CSF3R: variants seen among roughly 807,000 people sequenced by gnomAD.
CSF3R encodes granulocyte colony-stimulating factor receptor.
In CSF3R, 52 loss-of-function variants were observed where a neutral mutation model predicts 84.4. That is an observed-to-expected ratio of 0.62 (90% CI 0.49 to 0.78). The LOEUF is 0.78. CSF3R is among the 30% of genes least tolerant of loss of function. CSF3R has a pLI of 0.00. For missense variants in CSF3R, 890 were observed against 1,055.7 expected (o/e 0.84, Z 2.17); for synonymous variants, 384 against 429.1 (o/e 0.89, Z 1.30).
At chr1:36,482,391 G>C (rs1651584998) in intron 1 of CSF3R, among the ~76,000 whole-genome samples, 2 of 152,018 alleles carry the variant, frequency 1.3e-5, no homozygotes. Context: ...AAATATGCGA[G>C]ACAGAGAAAC....
Position 36,467,504 on chromosome 1 carries a change from G to C in CSF3R, c.1958+54C>G. 5 of 1,566,946 alleles carry C rather than the reference G, an allele frequency of 3.2e-6. No individual in the cohort carries two copies. Among genetic ancestry groups the C allele is most frequent in the Non-Finnish European group, 4.4e-6 (5 of 1,138,932 alleles). ...GACTTAGATGGGCCCATCTGGACCT[G>C]AGGTTCCCTGTGGGTGGGGGAAGCA... On this transcript the variant is annotated intron_variant, in intron 15 of 16. Coordinates refer to ENST00000373106, the MANE Select transcript of CSF3R (RefSeq NM_000760.4). This position sits in a 1 kb window ranked among gnomAD's most constrained non-coding sequence, Gnocchi z 4.1.
rs145439244 is a variant in CSF3R, at chr1:36,472,595, T to A, written c.765A>T (p.Pro255=). Residue 255 remains proline (P), a synonymous_variant, in exon 7 of 17, where the codon CCA becomes CCT. Coordinates refer to ENST00000373106, the MANE Select transcript of CSF3R (RefSeq NM_000760.4). The surrounding 1 kb of genome is among the most constrained non-coding windows in gnomAD (Gnocchi z 5.0). ...QAGCLQLCWE[P]WQPGLHINQK... ...GATTTATGTGCAGGCCTGGCTGCCATGGCTCCCAGCACAGCTGTAGGCAGC... is the reference window on the plus strand; with the variant it reads ...GATTTATGTGCAGGCCTGGCTGCCAAGGCTCCCAGCACAGCTGTAGGCAGC... 3.3e-5 allele frequency: 53 copies of A among 1,614,084 alleles called. No individual in the cohort carries two copies. The African/African-American group carries it at 6.4e-4, about 19-fold the overall frequency.
At position 36,472,449 on chromosome 1, in the gene CSF3R, C is replaced by T; in HGVS notation, c.844-58G>A. ...GATCGCTGGGCCATTCTAGGGCCAG[C>T]TCGAGCCCGACTTACCCTGCCCCCT... On this transcript the variant is annotated intron_variant, in intron 7 of 16. Coordinates refer to ENST00000373106, the MANE Select transcript of CSF3R (RefSeq NM_000760.4). This position sits in a 1 kb window ranked among gnomAD's most constrained non-coding sequence, Gnocchi z 5.0. 6.2e-7 allele frequency: 1 copy of T among 1,613,892 alleles called. No homozygotes were observed. The highest frequency in any genetic ancestry group is 1.1e-5 in the South Asian group (1 of 91,064).
intron 13 of CSF3R, 52 bp from the exon 14 acceptor site, chr1:36,468,014 G>A: frequency 1.2e-6 from 2 of 1,614,228 alleles, no homozygotes; most frequent in Non-Finnish European, 1.7e-6. Flanking sequence ...CTGCCTCCGT[G>A]GCAGCTGAGC....
Position 36,471,916 on chromosome 1 carries a change from G to A in CSF3R, c.1071+150C>T, listed in dbSNP as rs1650768678. The A allele has an allele frequency of 6.2e-6, 5 of 810,394 alleles. No homozygotes were observed. The East Asian group carries it at 1.3e-4, about 22-fold the overall frequency. 50.2% of individuals were successfully genotyped at this position (810,394 alleles called of 1,614,324 possible). ...TACAGTCTGTCCAAAAGCTAACTCAGCTCCCTAGGCACATGCAAAGTGCAT... is the reference window on the plus strand; with the variant it reads ...TACAGTCTGTCCAAAAGCTAACTCAACTCCCTAGGCACATGCAAAGTGCAT... On this transcript the variant is annotated intron_variant, in intron 9 of 16. Coordinates refer to ENST00000373106, the MANE Select transcript of CSF3R (RefSeq NM_000760.4).
Position 36,472,211 on chromosome 1 carries a change from G to A in CSF3R, c.997+27C>T. 1 of 1,614,146 alleles carries A rather than the reference G, an allele frequency of 6.2e-7. No homozygotes were observed. Among genetic ancestry groups the A allele is most frequent in the Non-Finnish European group, 8.5e-7 (1 of 1,180,004 alleles). On this transcript the variant is annotated intron_variant, in intron 8 of 16. Coordinates refer to ENST00000373106, the MANE Select transcript of CSF3R (RefSeq NM_000760.4). The surrounding 1 kb of genome is among the most constrained non-coding windows in gnomAD (Gnocchi z 5.0). Reference sequence around the variant, plus strand: ...GGGCCTGGACTGGATACTGTTGGCTGCTCCCAGCCTCTCATCACCTCCTTA... The same window carrying A: ...GGGCCTGGACTGGATACTGTTGGCTACTCCCAGCCTCTCATCACCTCCTTA...
At position 36,466,104 on chromosome 1, in the gene CSF3R, C is replaced by T. The variant is rs1570574470; in HGVS notation, c.*253G>A. 2 of 1,614,088 alleles carry T rather than the reference C, an allele frequency of 1.2e-6. No homozygotes were observed. Among genetic ancestry groups the T allele is most frequent in the African/African-American group, 1.3e-5 (1 of 74,994 alleles). On this transcript the variant is annotated 3_prime_UTR_variant, in exon 17 of 17. Transcript: ENST00000373106. This position sits in a 1 kb window ranked among gnomAD's most constrained non-coding sequence, Gnocchi z 4.6. ...GCAAACCAAAAACTAGTTTACAATA[C>T]TGAAGTTATAGGAAACAAGCACAAA...
Position 36,473,591 on chromosome 1 carries a change from A to C in CSF3R, c.517T>G (p.Ser173Ala), listed in dbSNP as rs1006626307. The C allele has an allele frequency of 6.2e-7, 1 of 1,613,994 alleles. No homozygotes were observed. Among genetic ancestry groups the C allele is most frequent in the Non-Finnish European group, 8.5e-7 (1 of 1,180,046 alleles). ...SRGNCQTQGD[S>A]ILDCVPKDGQ... ...TCCTTGGGCACGCAGTCCAGGATGG[A>C]GTCCCCTTGGGTCTGACAGTTGCCC... The change falls in exon 6 of 17, where the codon TCC (serine) becomes GCC (alanine). Residue 173 changes from serine to alanine, a missense_variant. By Grantham distance (99) the Ser-to-Ala change is moderately conservative. Transcript: ENST00000373106.
Position 36,473,532 on chromosome 1 carries a change from G to A in CSF3R, c.576C>T (p.His192=). The stretch of plus-strand genomic sequence containing the variant: ...TGCCCATATTCTGGTACAACAGCAG[G>A]TGTTTGCGTGGGATGCAGCAGTGGC... ...GQSHCCIPRK[H]LLLYQNMGIW... Residue 192 remains histidine (H), a synonymous_variant, in exon 6 of 17, where the codon CAC becomes CAT. Coordinates refer to ENST00000373106, the MANE Select transcript of CSF3R (RefSeq NM_000760.4). 6.2e-7 allele frequency: 1 copy of A among 1,614,194 alleles called. No homozygotes were observed. The highest frequency in any genetic ancestry group is 8.5e-7 in the Non-Finnish European group (1 of 1,180,058).
intron 2 of CSF3R, chr1:36,480,125 C>T (rs1199084426): frequency 5.6e-6 from 1 of 177,442 alleles, no homozygotes; most frequent in Non-Finnish European, 1.2e-5. Flanking sequence ...CTGACTCCTG[C>T]CCCCCATTGG....
Position 36,473,697 on chromosome 1 carries a change from C to G in CSF3R, c.485+67G>C. 3.7e-6 allele frequency: 6 copies of G among 1,613,936 alleles called. No individual in the cohort carries two copies. In the South Asian group the frequency reaches 6.6e-5, roughly 18 times the overall value. ...CCCTTCTCCCTCCCAGAGGCATGCC[C>G]AGCATCCTACCCATGCCCTACCCCA... On this transcript the variant is annotated intron_variant, in intron 5 of 16. Coordinates refer to ENST00000373106, the MANE Select transcript of CSF3R (RefSeq NM_000760.4).
rs552969019 is a variant in CSF3R, at chr1:36,472,296, G to C, written c.939C>G (p.Pro313=). The C allele has an allele frequency of 2.5e-6, 4 of 1,614,196 alleles. No homozygotes were observed. The Admixed American group carries it at 5.0e-5, about 20-fold the overall frequency. ...YTLQIRCIRW[P]LPGHWSDWSP... ...TCCAGTCGCTCCAGTGGCCAGGCAG[G>C]GGCCAGCGGATGCAGCGTATCTGCA... is the stretch of plus-strand genomic sequence containing the variant. The change falls in exon 8 of 17, where the codon CCC becomes CCG. Residue 313 remains proline, a synonymous_variant. Coordinates refer to ENST00000373106, the MANE Select transcript of CSF3R (RefSeq NM_000760.4). This position sits in a 1 kb window ranked among gnomAD's most constrained non-coding sequence, Gnocchi z 5.0.
chr1:36,469,657 A>G lies in CSF3R; in HGVS notation c.1469T>C (p.Leu490Pro). 6.2e-7 allele frequency: 1 copy of G among 1,614,066 alleles called. No individual in the cohort carries two copies. The highest frequency in any genetic ancestry group is 8.5e-7 in the Non-Finnish European group (1 of 1,180,038). ...ACTTTCCAGGCCAGCCTCACCCTTCAGCAGAAACCCCGTGGCTCTCCCATT... is the reference window on the plus strand; with the variant it reads ...ACTTTCCAGGCCAGCCTCACCCTTCGGCAGAAACCCCGTGGCTCTCCCATT... The part of the protein sequence containing the change: ...EQNGRATGFL[L>P]KENIRPFQLY... The change falls in exon 11 of 17, where the codon CTG (leucine) becomes CCG (proline). Residue 490 changes from leucine to proline, a missense_variant. By Grantham distance (98) the Leu-to-Pro change is moderately conservative. Transcript: ENST00000373106.
chr1:36,475,392 C>T lies in CSF3R; in HGVS notation c.346G>A (p.Glu116Lys). ...AAGGACTTACAGCCTGCGCGCAGCT[C>T]AACCTGGTCCAGGATCTGCAGGCTG... ...GNSLQILDQV[E>K]LRAGYPPAIP... The change falls in exon 4 of 17, where the codon GAG (glutamate) becomes AAG (lysine). Residue 116 changes from glutamate (E) to lysine (K), a missense_variant. Glu to Lys is a moderately conservative substitution (Grantham distance 56, BLOSUM62 1). Transcript: ENST00000373106. 3.7e-6 allele frequency: 6 copies of T among 1,613,956 alleles called. No individual in the cohort carries two copies. The highest frequency in any genetic ancestry group is 5.1e-6 in the Non-Finnish European group (6 of 1,180,018).
chr1:36,472,472 C>G lies in CSF3R; in HGVS notation c.843+45G>C. On this transcript the variant is annotated intron_variant, in intron 7 of 16. Transcript: ENST00000373106. This position sits in a 1 kb window ranked among gnomAD's most constrained non-coding sequence, Gnocchi z 5.0. The stretch of plus-strand genomic sequence containing the variant: ...AGCTCGAGCCCGACTTACCCTGCCC[C>G]CTGCCCCCACCACCTCAGGCTCTCC... 1 of 1,614,088 alleles carries G rather than the reference C, an allele frequency of 6.2e-7. No homozygotes were observed. The highest frequency in any genetic ancestry group is 8.5e-7 in the Non-Finnish European group (1 of 1,180,004).
rs1267574524 is a variant in CSF3R, at chr1:36,467,297, A to T, written c.1973T>A (p.Leu658His). The change falls in exon 16 of 17, where the codon CTC (leucine) becomes CAC (histidine). Residue 658 changes from leucine (L) to histidine (H), a missense_variant. Physicochemically the swap from Leu to His is moderately conservative, Grantham distance 99. Transcript: ENST00000373106. This position sits in a 1 kb window ranked among gnomAD's most constrained non-coding sequence, Gnocchi z 4.1. ...AGCTGGGTCTGGGACACTTGGCCAGAGGGGATTCTTCCTGCTGGAGAAGGG... is the reference window on the plus strand; with the variant it reads ...AGCTGGGTCTGGGACACTTGGCCAGTGGGGATTCTTCCTGCTGGAGAAGGG... ...LCCSPNRKNP[L>H]WPSVPDPAHS... 1 of 1,614,046 alleles carries T rather than the reference A, an allele frequency of 6.2e-7. No homozygotes were observed. The highest frequency in any genetic ancestry group is 1.1e-5 in the South Asian group (1 of 91,086).
chr1:36,471,027 G>A (rs1401274046), intron 10 of CSF3R, among the ~76,000 whole-genome samples: 1 of 152,092 alleles, frequency 6.6e-6, no homozygotes, highest in African/African-American at 2.4e-5. Flanking sequence ...CTGTTAGCAA[G>A]TGATAGGACT....
At chr1:36,471,912 C>G in intron 9 of CSF3R, 154 bp downstream of exon 9, 1 of 798,588 alleles carries the variant, frequency 1.3e-6, no homozygotes, top group African/African-American at 1.7e-5. Flanking sequence ...CAAAAGCTAA[C>G]TCAGCTCCCT....
chr1:36,473,100 TC>T, intron 6 of CSF3R: 3 of 406,180 alleles, frequency 7.4e-6, no homozygotes, highest in Admixed American at 4.3e-5. Flanking sequence ...TATCTTATTT[TC>T]CCCCCCACTT....
Sources: allele counts gnomAD v4.1 joint callset (sites outside exome capture counted in the v4.1 genomes callset), GRCh38; gene constraint gnomAD v4.1.1; non-coding constraint Gnocchi (gnomAD v3.1); transcripts MANE v1.5; gene names NCBI Gene and HGNC (gene_info 2026-07-23, HGNC 2026-07-21).